ZNF213: variants seen among roughly 807,000 people sequenced by gnomAD.
ZNF213 encodes putative transcription factor CR53.
In ZNF213, 32 loss-of-function variants were observed where a neutral mutation model predicts 46.0. That is an observed-to-expected ratio of 0.70 (90% CI 0.52 to 0.93). ZNF213 has a LOEUF of 0.93. Ranked by LOEUF, ZNF213 falls within the 40% of genes least tolerant of loss-of-function variation. The pLI is 0.00. For synonymous variants in ZNF213, 297 were observed against 271.0 expected (o/e 1.10, Z -0.94); for missense variants, 639 against 652.8 (o/e 0.98, Z 0.23).
chr16:3,138,933 G>A (rs1181517892), intron 4 of ZNF213, 42 bp from the exon 5 acceptor site: 3 of 1,613,908 alleles, frequency 1.9e-6, no homozygotes, highest in South Asian at 2.2e-5. Context: ...CCCCGCCAGT[G>A]CTGCTGGGAG....
At position 3,138,987 on chromosome 16, in the gene ZNF213, T is replaced by C. The variant is rs1293730313; in HGVS notation, c.610T>C (p.Leu204=). 3.5e-5 allele frequency: 57 copies of C among 1,614,060 alleles called. No homozygotes were observed. The highest frequency in any genetic ancestry group is 4.6e-5 in the Non-Finnish European group (54 of 1,180,022). ...FVSGVHGPVA[L]GDIPFYFSRE... ...CACCCCATTCCAGGGACCTGTGGCA[T>C]TGGGAGACATCCCATTCTATTTCTC... is the stretch of plus-strand genomic sequence containing the variant. Residue 204 remains leucine (L), a synonymous_variant, in exon 5 of 6, where the codon TTG becomes CTG. Transcript: ENST00000396878.
At chr16:3,138,599 T>C in intron 3 of ZNF213, 58 bp downstream of exon 3, 1 of 1,612,778 alleles carries the variant, frequency 6.2e-7, no homozygotes, top group Admixed American at 1.7e-5. Context: ...CCTAGCTTTG[T>C]CACCGGCGTT....
chr16:3,140,502 C>G (rs1487908703), intron 5 of ZNF213, 187 bp from the exon 6 acceptor site: 6 of 877,146 alleles, frequency 6.8e-6, no homozygotes, highest in Non-Finnish European at 9.3e-6. Flanking sequence ...GGATTACAGG[C>G]TTGAGTCACT....
chr16:3,137,918 C>T (rs1468655258), intron 2 of ZNF213: 2 of 592,492 alleles, frequency 3.4e-6, no homozygotes, highest in Non-Finnish European at 5.9e-6. Flanking sequence ...TGCGAATGTT[C>T]CAGACAGGAG....
chr16:3,138,240 G>A, intron 2 of ZNF213, 178 bp from the exon 3 acceptor site: 5 of 1,238,876 alleles, frequency 4.0e-6, no homozygotes, highest in East Asian at 2.5e-5. Flanking sequence ...GCATCCTTGG[G>A]CACACAGCAT....
chr16:3,139,300 A>T, intron 5 of ZNF213: 1 of 693,880 alleles, frequency 1.4e-6, no homozygotes, highest in East Asian at 2.9e-5. Flanking sequence ...GGCGCTGCCC[A>T]GCCCTGCAGT....
At chr16:3,137,124 A>G (rs1414334041) in intron 1 of ZNF213, 42 bp from the exon 2 acceptor site, 26 of 974,380 alleles carry the variant, frequency 2.7e-5, no homozygotes, top group Non-Finnish European at 3.8e-5. Context: ...CGTGTATTCC[A>G]CATCCTTCCT....
Position 3,140,921 on chromosome 16 carries a change from C to G in ZNF213, c.954C>G (p.Ser318Arg). 3.1e-6 allele frequency: 5 copies of G among 1,595,292 alleles called. No homozygotes were observed. Among genetic ancestry groups the G allele is most frequent in the Non-Finnish European group, 4.3e-6 (5 of 1,174,382 alleles). Residue 318 changes from serine (S) to arginine (R), a missense_variant, in exon 6 of 6, where the codon AGC becomes AGG. Physicochemically the swap from Ser to Arg is moderately radical, Grantham distance 110 (BLOSUM62 -1). Transcript: ENST00000396878. The stretch of plus-strand genomic sequence containing the variant: ...ACCTGGCAGCCGAGAAGCCGCACAG[C>G]TGCGGGCAGTGTGGAAAGCGCTTCC... ...FRDLAAEKPH[S>R]CGQCGKRFRW...
At chr16:3,138,325 G>A (rs779048526) in intron 2 of ZNF213, 93 bp from the exon 3 acceptor site, 5 of 1,563,622 alleles carry the variant, frequency 3.2e-6, no homozygotes, top group Non-Finnish European at 4.3e-6. Context: ...CCAGCATCCT[G>A]AGGGTCATGT....
At position 3,141,406 on chromosome 16, in the gene ZNF213, C is replaced by G. The variant is rs1419239855; in HGVS notation, c.*59C>G. The G allele has an allele frequency of 7.4e-6, 11 of 1,492,898 alleles. No individual in the cohort carries two copies. Among genetic ancestry groups the G allele is most frequent in the Non-Finnish European group, 9.8e-6 (11 of 1,125,750 alleles). 92.5% of individuals were successfully genotyped at this position (1,492,898 alleles called of 1,614,324 possible). ...CAGCCACGGCACATCCTGCTTTGTTCACCACTGGGACTCTCCTTCCATCTG... is the reference window on the plus strand; with the variant it reads ...CAGCCACGGCACATCCTGCTTTGTTGACCACTGGGACTCTCCTTCCATCTG... On this transcript the variant is annotated 3_prime_UTR_variant, in exon 6 of 6. Transcript: ENST00000396878.
chr16:3,137,216 G>A lies in ZNF213; in HGVS notation c.-65G>A. 6.6e-7 allele frequency: 1 copy of A among 1,517,244 alleles called. No individual in the cohort carries two copies. The highest frequency in any genetic ancestry group is 8.8e-7 in the Non-Finnish European group (1 of 1,137,232). 94.0% of individuals were successfully genotyped at this position (1,517,244 alleles called of 1,614,324 possible). On this transcript the variant is annotated 5_prime_UTR_variant, in exon 2 of 6. Coordinates refer to ENST00000396878, the MANE Select transcript of ZNF213 (RefSeq NM_004220.3). ...GCTACCACAGGGGATCCCTCTGGGA[G>A]ACTGAAAGTACAGGTTCTGGGGCCC...
At position 3,141,243 on chromosome 16, in the gene ZNF213, G is replaced by A. The variant is rs760107437; in HGVS notation, c.1276G>A (p.Glu426Lys). 1 of 1,612,504 alleles carries A rather than the reference G, an allele frequency of 6.2e-7. No homozygotes were observed. The highest frequency in any genetic ancestry group is 8.5e-7 in the Non-Finnish European group (1 of 1,179,916). The change falls in exon 6 of 6, where the codon GAG (glutamate) becomes AAG (lysine). Residue 426 changes from glutamate to lysine, a missense_variant. Transcript: ENST00000396878. ...LLDHRRVHTGERPFGCGECDK... is the reference protein window; with the variant it reads ...LLDHRRVHTGKRPFGCGECDK... ...GGACCATCGGCGTGTGCACACCGGT[G>A]AGCGGCCCTTCGGCTGCGGAGAGTG...
At position 3,141,151 on chromosome 16, in the gene ZNF213, A is replaced by G; in HGVS notation, c.1184A>G (p.His395Arg). The change falls in exon 6 of 6, where the codon CAC becomes CGC. Residue 395 changes from histidine (H) to arginine (R), a missense_variant. His to Arg is a conservative substitution (Grantham distance 29, BLOSUM62 0). Coordinates refer to ENST00000396878, the MANE Select transcript of ZNF213 (RefSeq NM_004220.3). Reference sequence around the variant, plus strand: ...TACCTGGCCGACCACCAGCGCATACACACGGGCGAGAAGCCTTTCGGCTGC... The same window carrying G: ...TACCTGGCCGACCACCAGCGCATACGCACGGGCGAGAAGCCTTTCGGCTGC... Reference protein sequence around the residue: ...SAYLADHQRIHTGEKPFGCSD... With the variant: ...SAYLADHQRIRTGEKPFGCSD... 1 of 1,612,596 alleles carries G rather than the reference A, an allele frequency of 6.2e-7. No individual in the cohort carries two copies. The highest frequency in any genetic ancestry group is 8.5e-7 in the Non-Finnish European group (1 of 1,179,800).
intron 2 of ZNF213, 73 bp downstream of exon 2, chr16:3,137,752 A>T: frequency 1.3e-6 from 2 of 1,537,796 alleles, no homozygotes; most frequent in Non-Finnish European, 1.8e-6. Context: ...ACCTGCAGAG[A>T]TAAGTCTCCC....
At position 3,141,931 on chromosome 16, in the gene ZNF213, TCCTGG is replaced by T. The variant is rs1351260549; in HGVS notation, c.*587_*591del. On this transcript the variant is annotated 3_prime_UTR_variant, in exon 6 of 6. Coordinates refer to ENST00000396878, the MANE Select transcript of ZNF213 (RefSeq NM_004220.3). Reference sequence around the variant, plus strand: ...TCCAGGCCATGACCACTCTGCCCTGTCCTGGCCATACGGACTCGGCCTGCCTTTGC... The same window carrying T: ...TCCAGGCCATGACCACTCTGCCCTGTCCATACGGACTCGGCCTGCCTTTGC... 4 of 155,238 alleles carry T rather than the reference TCCTGG, an allele frequency of 2.6e-5. No homozygotes were observed. Among genetic ancestry groups the T allele is most frequent in the Non-Finnish European group, 5.7e-5 (4 of 70,254 alleles). 9.6% of individuals were successfully genotyped at this position (155,238 alleles called of 1,614,324 possible).
Position 3,137,218 on chromosome 16 carries a change from C to A in ZNF213, c.-63C>A. 1 of 1,518,390 alleles carries A rather than the reference C, an allele frequency of 6.6e-7. No homozygotes were observed. The highest frequency in any genetic ancestry group is 1.3e-5 in the South Asian group (1 of 75,568). 94.1% of individuals were successfully genotyped at this position (1,518,390 alleles called of 1,614,324 possible). Reference sequence around the variant, plus strand: ...TACCACAGGGGATCCCTCTGGGAGACTGAAAGTACAGGTTCTGGGGCCCAG... The same window carrying A: ...TACCACAGGGGATCCCTCTGGGAGAATGAAAGTACAGGTTCTGGGGCCCAG... On this transcript the variant is annotated 5_prime_UTR_variant, in exon 2 of 6. The change creates a new upstream start codon in the 5' untranslated region. Coordinates refer to ENST00000396878, the MANE Select transcript of ZNF213 (RefSeq NM_004220.3).
rs1339021481 is a variant in ZNF213, at chr16:3,141,602, T to C, written c.*255T>C. 2 of 480,250 alleles carry C rather than the reference T, an allele frequency of 4.2e-6. No individual in the cohort carries two copies. Among genetic ancestry groups the C allele is most frequent in the Non-Finnish European group, 7.3e-6 (2 of 274,340 alleles). 29.7% of individuals were successfully genotyped at this position (480,250 alleles called of 1,614,324 possible). On this transcript the variant is annotated 3_prime_UTR_variant, in exon 6 of 6. Coordinates refer to ENST00000396878, the MANE Select transcript of ZNF213 (RefSeq NM_004220.3). ...TCTGCGCCTAGCGTTCCTCTTCCCC[T>C]CTAGTTTCCTGGAGCCCCAACACAT...
At position 3,137,495 on chromosome 16, in the gene ZNF213, G is replaced by T; in HGVS notation, c.215G>T (p.Arg72Leu). 1 of 1,613,976 alleles carries T rather than the reference G, an allele frequency of 6.2e-7. No individual in the cohort carries two copies. The highest frequency in any genetic ancestry group is 8.5e-7 in the Non-Finnish European group (1 of 1,180,036). Residue 72 changes from arginine (R) to leucine (L), a missense_variant, in exon 2 of 6, where the codon CGC becomes CTC. Arg to Leu is a moderately radical substitution (Grantham distance 102). Transcript: ENST00000396878. ...AGCCAGCTCTGGGAGCTCTGCTGCC[G>T]CTGGCTGCGGCCCGAGCTGCGTACC... is the stretch of plus-strand genomic sequence containing the variant. ...AFSQLWELCC[R>L]WLRPELRTKE...
At chr16:3,138,160 C>T (rs1957562164) in intron 2 of ZNF213, 2 of 612,394 alleles carry the variant, frequency 3.3e-6, no homozygotes, top group Non-Finnish European at 5.3e-6. Flanking sequence ...GGGTCCCCAG[C>T]TACCCCCTTG....
Sources: gnomAD v4.1 joint callset for allele counts on GRCh38, gnomAD v4.1.1 for gene constraint, MANE v1.5 for transcripts, NCBI Gene and HGNC (gene_info 2026-07-23, HGNC 2026-07-21) for gene names.